The following TM9SF4 variants were observed in gnomAD, a reference collection of about 807,000 sequenced individuals.
TM9SF4 encodes the protein dinucleotide oxidase disulfide thiol exchanger 3 superfamily member 4.
TM9SF4 carries 26 observed loss-of-function variants against 90.4 expected under a neutral mutation model. The observed-to-expected ratio is 0.29, with a 90% CI of 0.21 to 0.40. TM9SF4 has a LOEUF of 0.40. Among genes scored for constraint, TM9SF4 ranks in the 10% least tolerant of loss-of-function variants. TM9SF4 has a pLI of 1.00. For synonymous variants in TM9SF4, 293 were observed against 315.4 expected (o/e 0.93, Z 0.75); for missense variants, 549 against 834.8 (o/e 0.66, Z 4.22).
chr20:32,151,360 G>A (rs959292804), intron 12 of TM9SF4, among the ~76,000 whole-genome samples: 3 of 152,052 alleles, frequency 2.0e-5, no homozygotes, highest in African/African-American at 7.2e-5. Flanking sequence ...AGAGTTCTTG[G>A]CAGCAGAAAA....
At chr20:32,155,273 C>A in intron 13 of TM9SF4, 87 bp downstream of exon 13, 1 of 1,115,246 alleles carries the variant, frequency 9.0e-7, no homozygotes, top group Middle Eastern at 2.1e-4. Flanking sequence ...CACTTCCTGC[C>A]ATTCCCTTCC....
At chr20:32,159,074 A>T (rs1231495255) in intron 15 of TM9SF4, 1 of 152,558 alleles carries the variant, frequency 6.6e-6, no homozygotes, top group Non-Finnish European at 1.5e-5. Flanking sequence ...TGCCTCAGTG[A>T]TACTTCAGTC....
Position 32,158,436 on chromosome 20 carries a change from C to CT in TM9SF4, c.1506-14dup. 6.2e-7 allele frequency: 1 copy of CT among 1,614,196 alleles called. No individual in the cohort carries two copies. The highest frequency in any genetic ancestry group is 1.1e-5 in the South Asian group (1 of 91,092). On this transcript the variant is annotated splice_polypyrimidine_tract_variant and intron_variant, in intron 14 of 17. Transcript: ENST00000398022. Reference sequence around the variant, plus strand: ...GCCTGGTCTCTAACAATGTCAACCTCTCGTTCTGTGGCAGCATCCTCATGG... The same window carrying CT: ...GCCTGGTCTCTAACAATGTCAACCTCTTCGTTCTGTGGCAGCATCCTCATGG...
intron 1 of TM9SF4, among the ~76,000 whole-genome samples, chr20:32,118,663 T>TCTCA (rs1280942601): frequency 1.8e-4 from 28 of 151,976 alleles, no homozygotes; most frequent in Non-Finnish European, 3.5e-4. Flanking sequence ...TGAGACAAGG[T>TCTCA]CTCACTCTGT....
intron 6 of TM9SF4, among the ~76,000 whole-genome samples, chr20:32,144,281 C>G (rs187922845): frequency 6.6e-6 from 1 of 152,206 alleles, no homozygotes; most frequent in African/African-American, 2.4e-5. Flanking sequence ...AGTACCTGGC[C>G]CATAGTTGGT....
At chr20:32,157,038 C>G (rs962116411) in intron 13 of TM9SF4, among the ~76,000 whole-genome samples, 1 of 148,014 alleles carries the variant, frequency 6.8e-6, no homozygotes, top group Admixed American at 6.9e-5. Context: ...ACCTCCACCT[C>G]CCAGGTTCAA....
intron 3 of TM9SF4, among the ~76,000 whole-genome samples, chr20:32,138,330 G>A (rs1410487010): frequency 6.6e-6 from 1 of 152,154 alleles, no homozygotes; most frequent in Admixed American, 6.5e-5. Flanking sequence ...TTGTTAAAAG[G>A]AGTACTTCCA....
Position 32,165,534 on chromosome 20 carries a change from C to G in TM9SF4, c.*90C>G, listed in dbSNP as rs142385874. The G allele has an allele frequency of 1.9e-4, 284 of 1,484,864 alleles. 2 individuals are homozygous for G. In the Middle Eastern group the frequency reaches 3.1e-3, roughly 16 times the overall value. 92.0% of individuals were successfully genotyped at this position (1,484,864 alleles called of 1,614,324 possible). ...GCAGGCACGCAAAATAAAATAACTCCTGCTCGTTTGGAATGTAACTCCTGG... is the reference window on the plus strand; with the variant it reads ...GCAGGCACGCAAAATAAAATAACTCGTGCTCGTTTGGAATGTAACTCCTGG... On this transcript the variant is annotated 3_prime_UTR_variant, in exon 18 of 18. Coordinates refer to ENST00000398022, the MANE Select transcript of TM9SF4 (RefSeq NM_014742.4).
At chr20:32,123,589 A>G (rs2046368009) in intron 1 of TM9SF4, among the ~76,000 whole-genome samples, 1 of 151,234 alleles carries the variant, frequency 6.6e-6, no homozygotes, top group African/African-American at 2.4e-5. Context: ...AGTATGTTAA[A>G]TGTTTTTACC....
intron 17 of TM9SF4, among the ~76,000 whole-genome samples, chr20:32,163,643 G>T (rs551091319): frequency 1.6e-5 from 2 of 129,002 alleles, no homozygotes; most frequent in South Asian, 4.8e-4. Flanking sequence ...ATGGAGACTC[G>T]CTCTGTTGCC....
At chr20:32,120,716 G>A (rs1420719718) in intron 1 of TM9SF4, among the ~76,000 whole-genome samples, 2 of 152,174 alleles carry the variant, frequency 1.3e-5, no homozygotes, top group Non-Finnish European at 2.9e-5. Flanking sequence ...TCCTTGCCTT[G>A]TTCCTGATCT....
At chr20:32,111,591 A>T (rs556382312) in intron 1 of TM9SF4, among the ~76,000 whole-genome samples, 1 of 152,338 alleles carries the variant, frequency 6.6e-6, no homozygotes, top group African/African-American at 2.4e-5. Flanking sequence ...TGAACAAAAT[A>T]ATGTCACCAG....
At chr20:32,147,707 G>T (rs917099269) in intron 9 of TM9SF4, among the ~76,000 whole-genome samples, 1 of 151,898 alleles carries the variant, frequency 6.6e-6, no homozygotes, top group African/African-American at 2.4e-5. Flanking sequence ...ACAAAAATTA[G>T]CTGGGTGTGG....
intron 1 of TM9SF4, among the ~76,000 whole-genome samples, chr20:32,130,726 T>C (rs1273247332): frequency 6.6e-6 from 1 of 152,228 alleles, no homozygotes; most frequent in African/African-American, 2.4e-5. Flanking sequence ...CAGCATAGAA[T>C]GTCTCTAGAG....
At chr20:32,156,979 ACT>A (rs2046934510) in intron 13 of TM9SF4, among the ~76,000 whole-genome samples, 1 of 115,882 alleles carries the variant, frequency 8.6e-6, no homozygotes, top group South Asian at 2.6e-4. Flanking sequence ...TCACTCTCTC[ACT>A]CTGTCACCCA....
intron 1 of TM9SF4, among the ~76,000 whole-genome samples, chr20:32,125,491 A>C (rs1263271202): frequency 6.6e-6 from 1 of 152,152 alleles, no homozygotes; most frequent in Non-Finnish European, 1.5e-5. Context: ...GAGCAGCAGC[A>C]TCTTCTGGGA....
At chr20:32,154,305 C>T (rs374256827) in intron 12 of TM9SF4, among the ~76,000 whole-genome samples, 2 of 151,818 alleles carry the variant, frequency 1.3e-5, no homozygotes, top group Non-Finnish European at 1.5e-5. Context: ...CGTACTACCA[C>T]GCCTGGCTAA....
chr20:32,157,573 C>A (rs894714553), intron 13 of TM9SF4, among the ~76,000 whole-genome samples: 3 of 152,200 alleles, frequency 2.0e-5, no homozygotes, highest in African/African-American at 2.4e-5. Context: ...TGGTGAGCTC[C>A]TCTGGGATGC....
intron 1 of TM9SF4, among the ~76,000 whole-genome samples, chr20:32,132,193 C>T (rs530925017): frequency 6.6e-6 from 1 of 152,198 alleles, no homozygotes; most frequent in African/African-American, 2.4e-5. Context: ...CACCTGAGGT[C>T]AGGAGTTGAA....
Sources: allele counts gnomAD v4.1 joint callset (sites outside exome capture counted in the v4.1 genomes callset), GRCh38; gene constraint gnomAD v4.1.1; transcripts MANE v1.5; gene names NCBI Gene and HGNC (gene_info 2026-07-23, HGNC 2026-07-21).